Variants in TLL1 observed in about 807,000 individuals in gnomAD.
The protein encoded by TLL1 is tolloid-like protein 1.
Under a neutral mutation model 128.2 loss-of-function variants are expected in TLL1, and 49 were observed. That is an observed-to-expected ratio of 0.38 (90% CI 0.30 to 0.48). The LOEUF is 0.48. Ranked by LOEUF, TLL1 falls within the 20% of genes least tolerant of loss-of-function variation. The pLI, the probability that TLL1 is intolerant of heterozygous loss-of-function variation, is 0.96. For synonymous variants in TLL1, 454 were observed against 418.8 expected, an observed-to-expected ratio of 1.08 and a Z score of -1.03; for missense variants, 1,123 against 1,242.0, an observed-to-expected ratio of 0.90 and a Z score of 1.44.
At chr4:165,946,946 T>C (rs1044584883) in intron 1 of TLL1, among the ~76,000 whole-genome samples, 2 of 152,146 alleles carry the variant, frequency 1.3e-5, no homozygotes, top group African/African-American at 2.4e-5. Flanking sequence ...TTATGTCTTG[T>C]AGTTATGTTG....
intron 1 of TLL1, among the ~76,000 whole-genome samples, chr4:165,884,707 G>A (rs1237177720): frequency 6.6e-6 from 1 of 152,144 alleles, no homozygotes; most frequent in Non-Finnish European, 1.5e-5. Flanking sequence ...ATGGTGGTGA[G>A]TATCTGTAAT....
intron 5 of TLL1, among the ~76,000 whole-genome samples, chr4:165,995,437 T>C (rs1233212757): frequency 6.6e-6 from 1 of 152,184 alleles, no homozygotes; most frequent in African/African-American, 2.4e-5. Context: ...CCCACTCACC[T>C]GAGCTAGAAA....
rs551025864 is a variant in TLL1, at chr4:165,900,290, G to T, written c.169+26217G>T. Among the ~76,000 whole-genome samples, 6 of 152,124 alleles carry T rather than the reference G, an allele frequency of 3.9e-5. No individual in the cohort carries two copies. The East Asian group carries it at 1.2e-3, about 29-fold the overall frequency. On this transcript the variant is annotated intron_variant, in intron 1 of 20. Transcript: ENST00000061240. The stretch of plus-strand genomic sequence containing the variant: ...GATCCTGTCATCATGATGATAGCCG[G>T]TTATTTTGCCCATTAGTTGATACAG...
At chr4:165,893,027 G>A (rs1731493997) in intron 1 of TLL1, among the ~76,000 whole-genome samples, 1 of 152,128 alleles carries the variant, frequency 6.6e-6, no homozygotes, top group Admixed American at 6.6e-5. Flanking sequence ...GACCATTTGA[G>A]TGAGACTATC....
intron 1 of TLL1, among the ~76,000 whole-genome samples, chr4:165,985,955 A>T (rs1041055252): frequency 1.1e-4 from 17 of 151,950 alleles, no homozygotes; most frequent in African/African-American, 4.1e-4. Context: ...TTCCAAACAG[A>T]TAGTAAATAT....
At chr4:165,966,533 C>T (rs188747996) in intron 1 of TLL1, among the ~76,000 whole-genome samples, 9 of 152,130 alleles carry the variant, frequency 5.9e-5, no homozygotes, top group South Asian at 4.1e-4. Context: ...AACCAGCCCC[C>T]GATATTTCAA....
Position 166,101,511 on chromosome 4 carries a change from C to T in TLL1, c.*635C>T, listed in dbSNP as rs1742285655. 6.6e-6 allele frequency: 1 copy of T among 152,538 alleles called. No homozygotes were observed. The highest frequency in any genetic ancestry group is 2.4e-5 in the African/African-American group (1 of 41,452). The allele number at this position is 152,538 out of a possible 1,614,324, so 9.4% of individuals were successfully genotyped here. On this transcript the variant is annotated 3_prime_UTR_variant, in exon 21 of 21. Coordinates refer to ENST00000061240, the MANE Select transcript of TLL1 (RefSeq NM_012464.5). Reference sequence around the variant, plus strand: ...TCTTGAGACCACTTTAGTGTACTTACATTTAGATGAGTTTGAAATCTCAAT... The same window carrying T: ...TCTTGAGACCACTTTAGTGTACTTATATTTAGATGAGTTTGAAATCTCAAT...
chr4:165,912,060 A>G (rs1393993552), intron 1 of TLL1, among the ~76,000 whole-genome samples: 2 of 152,096 alleles, frequency 1.3e-5, no homozygotes, highest in Non-Finnish European at 2.9e-5. Flanking sequence ...TATTTTTAGT[A>G]GAGACGAGGT....
intron 1 of TLL1, among the ~76,000 whole-genome samples, chr4:165,986,007 C>A (rs1296046060): frequency 1.3e-5 from 2 of 149,916 alleles, no homozygotes; most frequent in Admixed American, 6.6e-5. Flanking sequence ...GTCCCAATAA[C>A]CATTTTCCCA....
chr4:165,878,326 C>T (rs969555582), intron 1 of TLL1, among the ~76,000 whole-genome samples: 1 of 151,922 alleles, frequency 6.6e-6, no homozygotes, highest in Non-Finnish European at 1.5e-5. Context: ...TTCTCCTAAT[C>T]TGTTTCTTCT....
intron 17 of TLL1, among the ~76,000 whole-genome samples, chr4:166,076,478 TTGTC>T (rs1445034483): frequency 3.3e-5 from 5 of 152,184 alleles, no homozygotes; most frequent in African/African-American, 1.2e-4. Flanking sequence ...GGTAGCAAAT[TTGTC>T]TGTTCATTAC....
intron 15 of TLL1, among the ~76,000 whole-genome samples, chr4:166,062,211 G>C (rs1208574634): frequency 6.6e-6 from 1 of 151,990 alleles, no homozygotes. Flanking sequence ...GTTCTTTTTT[G>C]GTTCCATATG....
intron 1 of TLL1, among the ~76,000 whole-genome samples, chr4:165,948,579 G>A (rs1734365705): frequency 6.6e-6 from 1 of 152,108 alleles, no homozygotes; most frequent in Non-Finnish European, 1.5e-5. Flanking sequence ...TGGAGACTCT[G>A]CAGAGTCACA....
intron 1 of TLL1, among the ~76,000 whole-genome samples, chr4:165,903,383 A>G (rs180781430): frequency 4.0e-5 from 6 of 148,374 alleles, no homozygotes; most frequent in African/African-American, 2.5e-5. Context: ...TATACTAAAA[A>G]TTTTTCTAAA....
chr4:165,890,048 A>G (rs1011920732), intron 1 of TLL1, among the ~76,000 whole-genome samples: 1 of 152,110 alleles, frequency 6.6e-6, no homozygotes. Flanking sequence ...GGGGAAGCAA[A>G]CACATCCTTC....
chr4:165,904,536 T>G lies in TLL1; in HGVS notation c.169+30463T>G, dbSNP rs77927412. ...GGAATTAGAGGAGACAAAATGAAGA[T>G]GTCAATCATTTGAACCCTTAGATAA... On this transcript the variant is annotated intron_variant, in intron 1 of 20. Transcript: ENST00000061240. 3.7e-3 allele frequency among the ~76,000 whole-genome samples: 562 copies of G among 152,318 alleles called. 16 individuals carry two copies. In the East Asian group the frequency reaches 0.078, roughly 21 times the overall value.
intron 9 of TLL1, chr4:166,030,598 T>A (rs1579647633): frequency 1.7e-6 from 1 of 595,420 alleles, no homozygotes; most frequent in East Asian, 3.3e-5. Flanking sequence ...TGACATGAAG[T>A]TTTTACCCTG....
In TLL1 at chr4:166,025,354, T is replaced by C. The variant is rs371786292; in HGVS notation, c.1081T>C (p.Ser361Pro). 1 of 1,613,886 alleles carries C rather than the reference T, an allele frequency of 6.2e-7. No individual in the cohort carries two copies. Among genetic ancestry groups the C allele is most frequent in the African/African-American group, 1.3e-5 (1 of 74,922 alleles). ...TCTACAAGAATCCAATGGCAACCTT[T>C]CCTCTCCAGGATTTCCCAATGGCTA... is the stretch of plus-strand genomic sequence containing the variant. ...ETLQESNGNL[S>P]SPGFPNGYPS... The change falls in exon 9 of 21, where the codon TCC (serine) becomes CCC (proline). Residue 361 changes from serine (S) to proline (P), a missense_variant. By Grantham distance (74) the Ser-to-Pro change is moderately conservative (BLOSUM62 -1). Transcript: ENST00000061240.
chr4:165,882,571 G>A (rs1242382125), intron 1 of TLL1, among the ~76,000 whole-genome samples: 2 of 152,022 alleles, frequency 1.3e-5, no homozygotes, highest in Non-Finnish European at 2.9e-5. Context: ...TATCTGGAAC[G>A]GGTAAAGGAA....
Sources: gnomAD v4.1 joint callset for allele counts (sites outside exome capture counted in the v4.1 genomes callset) on GRCh38, gnomAD v4.1.1 for gene constraint, MANE v1.5 for transcripts, NCBI Gene and HGNC (gene_info 2026-07-23, HGNC 2026-07-21) for gene names.